The following OR4K1 variants were observed in gnomAD, a reference collection of about 807,000 sequenced individuals.
OR4K1 encodes olfactory receptor family 4 subfamily K member 1, also known as olfactory receptor 4K1.
Under a neutral mutation model 14.4 loss-of-function variants are expected in OR4K1, and 16 were observed. The ratio of observed to expected loss-of-function variants is 1.11; its 90% confidence interval spans 0.75 to 1.68. The LOEUF (loss-of-function observed/expected upper bound fraction) is 1.68. OR4K1 is among the 40% of genes most tolerant of loss of function. OR4K1 has a pLI of 0.00. For synonymous variants in OR4K1, 181 were observed against 133.1 expected, an observed-to-expected ratio of 1.36 and a Z score of -2.48; for missense variants, 548 against 376.9, an observed-to-expected ratio of 1.45 and a Z score of -3.76.
the OR4K1 span, among the ~76,000 whole-genome samples, chr14:19,924,908 T>G: frequency 6.6e-6 from 1 of 152,320 alleles, no homozygotes; most frequent in African/African-American, 2.4e-5. Flanking sequence ...CGGTTAGGAT[T>G]GTGATATTAT....
In OR4K1 at chr14:19,935,584, G is replaced by C. The variant is rs535359918; in HGVS notation, c.-19-64G>C. The stretch of plus-strand genomic sequence containing the variant: ...GTTTAGAATTGACTATATTTCTTTT[G>C]TTTATAAACTAGAGGTATTGTAATG... On this transcript the variant is annotated intron_variant, in intron 1 of 1. Transcript: ENST00000641172. The C allele has an allele frequency of 1.2e-4, 137 of 1,191,170 alleles. No individual in the cohort carries two copies. The Middle Eastern group carries it at 1.4e-3, about 12-fold the overall frequency. The allele number at this position is 1,191,170 out of a possible 1,614,324, so 73.8% of individuals were successfully genotyped here.
At chr14:19,923,115 T>G in the OR4K1 span, among the ~76,000 whole-genome samples, 430 of 152,286 alleles carry the variant, frequency 2.8e-3, no homozygotes, top group African/African-American at 1.0e-2. Flanking sequence ...GCATCTATTT[T>G]TATATATTTG....
Position 19,936,406 on chromosome 14 carries a change from T to A in OR4K1, c.740T>A (p.Val247Asp), listed in dbSNP as rs1329627479. The A allele has an allele frequency of 1.2e-6, 2 of 1,614,094 alleles. No individual in the cohort carries two copies. The change falls in exon 2 of 2, where the codon GTC becomes GAC. Residue 247 changes from valine to aspartate, a missense_variant. Transcript: ENST00000641172. ...LSTLTAHITV[V>D]ILFFGPCIYF... ...ACATTAACTGCCCACATCACAGTGG[T>A]CATTCTTTTCTTCGGGCCTTGCATT...
At chr14:19,930,130 T>TAC (rs1882153920), upstream of OR4K1, among the ~76,000 whole-genome samples, 1 of 97,088 alleles carries the variant, frequency 1.0e-5, no homozygotes, top group Non-Finnish European at 2.3e-5. Flanking sequence ...CTCTCAAATT[T>TAC]ATATATATAT....
chr14:19,922,310 T>C, the OR4K1 span, among the ~76,000 whole-genome samples: 1 of 152,278 alleles, frequency 6.6e-6, no homozygotes, highest in African/African-American at 2.4e-5. Flanking sequence ...CTTCTCTTCT[T>C]GTTCCTACAG....
chr14:19,921,569 C>T, the OR4K1 span: 14 of 1,608,658 alleles, frequency 8.7e-6, no homozygotes, highest in Non-Finnish European at 1.2e-5. Context: ...TGAGAACTTC[C>T]TTTCATTAAG....
chr14:19,921,888 T>C, the OR4K1 span, among the ~76,000 whole-genome samples: 6 of 152,238 alleles, frequency 3.9e-5, no homozygotes, highest in Admixed American at 1.3e-4. Context: ...AATTCTCTGG[T>C]GGGCATACAT....
upstream of OR4K1, among the ~76,000 whole-genome samples, chr14:19,929,415 GGAGA>G (rs1322989741): frequency 6.9e-6 from 1 of 144,450 alleles, no homozygotes; most frequent in African/African-American, 2.5e-5. Flanking sequence ...GCGTATGGGG[GGAGA>G]GAGAGAGAGA....
At position 19,935,632 on chromosome 14, in the gene OR4K1, G is replaced by C; in HGVS notation, c.-19-16G>C. 6.6e-7 allele frequency: 1 copy of C among 1,515,924 alleles called. No individual in the cohort carries two copies. The highest frequency in any genetic ancestry group is 8.9e-7 in the Non-Finnish European group (1 of 1,124,094). The allele number at this position is 1,515,924 out of a possible 1,614,324, so 93.9% of individuals were successfully genotyped here. ...ATGCCAATCATTGTGACATTTTTCT[G>C]ATTTCTTTTTTTTAGGTAACTGAAT... On this transcript the variant is annotated splice_polypyrimidine_tract_variant and intron_variant, in intron 1 of 1. Transcript: ENST00000641172.
At position 19,936,011 on chromosome 14, in the gene OR4K1, T is replaced by C. The variant is rs778821472; in HGVS notation, c.345T>C (p.Leu115=). 1 of 1,614,270 alleles carries C rather than the reference T, an allele frequency of 6.2e-7. No individual in the cohort carries two copies. The highest frequency in any genetic ancestry group is 8.5e-7 in the Non-Finnish European group (1 of 1,180,050). Residue 115 remains leucine, a synonymous_variant, in exon 2 of 2, where the codon CTT becomes CTC. Transcript: ENST00000641172. ...HSFVGSEMML[L]VAMAYDRFIA... ...TTGTTGGGAGTGAGATGATGTTGCT[T>C]GTAGCTATGGCATATGACAGATTTA...
chr14:19,920,667 C>T, the OR4K1 span: 1 of 1,613,760 alleles, frequency 6.2e-7, no homozygotes, highest in Non-Finnish European at 8.5e-7. Context: ...CTGTAGTTCT[C>T]AAAAACTCCA....
the OR4K1 span, chr14:19,921,245 CTT>C: frequency 6.2e-7 from 1 of 1,614,190 alleles, no homozygotes; most frequent in Non-Finnish European, 8.5e-7. Flanking sequence ...CTTTCTCTCT[CTT>C]GGTCAGCTCC....
chr14:19,934,628 A>G (rs1280550544), intron 1 of OR4K1, among the ~76,000 whole-genome samples: 1 of 152,140 alleles, frequency 6.6e-6, no homozygotes, highest in Non-Finnish European at 1.5e-5. Flanking sequence ...CTTCTCTATT[A>G]TAGCAAATTG....
the OR4K1 span, among the ~76,000 whole-genome samples, chr14:19,922,652 A>G: frequency 2.2e-5 from 2 of 90,546 alleles, no homozygotes; most frequent in African/African-American, 3.8e-5. Context: ...TTTTACATGT[A>G]CTCTTTTTTT....
intron 1 of OR4K1, among the ~76,000 whole-genome samples, chr14:19,934,084 T>A (rs183966995): frequency 6.6e-6 from 1 of 152,384 alleles, no homozygotes; most frequent in Non-Finnish European, 1.5e-5. Context: ...ATTATTTTGG[T>A]CATGTCTAAA....
chr14:19,921,205 T>C, the OR4K1 span: 4 of 1,614,158 alleles, frequency 2.5e-6, no homozygotes, highest in Non-Finnish European at 3.4e-6. Context: ...ATACTAATTG[T>C]GGTCAATAGT....
In OR4K1 at chr14:19,936,336, G is replaced by C. The variant is rs199618384; in HGVS notation, c.670G>C (p.Gly224Arg). 6.2e-7 allele frequency: 1 copy of C among 1,614,166 alleles called. No homozygotes were observed. Among genetic ancestry groups the C allele is most frequent in the Admixed American group, 1.7e-5 (1 of 60,024 alleles). ...TATTTCCTACACCATCATTTTGATC[G>C]GTGTCCGATGCAGGTCCTCCAGTGG... ...LIISYTIILIGVRCRSSSGSS... is the reference protein window; with the variant it reads ...LIISYTIILIRVRCRSSSGSS... The change falls in exon 2 of 2, where the codon GGT becomes CGT. Residue 224 changes from glycine (G) to arginine (R), a missense_variant. Transcript: ENST00000641172.
At chr14:19,921,531 A>G in the OR4K1 span, 1 of 1,613,624 alleles carries the variant, frequency 6.2e-7, no homozygotes, top group Non-Finnish European at 8.5e-7. Context: ...CCTGAGGCCA[A>G]GGAGAATTTC....
Position 19,936,486 on chromosome 14 carries a change from T to A in OR4K1, c.820T>A (p.Phe274Ile), listed in dbSNP as rs1486695064. 1.2e-5 allele frequency: 20 copies of A among 1,613,962 alleles called. No individual in the cohort carries two copies. Among genetic ancestry groups the A allele is most frequent in the Non-Finnish European group, 1.4e-5 (17 of 1,180,006 alleles). ...TCCTGTGGACAAATTTCTTTCTGTGTTCTACACTGTTTGTACTCCCTTGTT... is the reference window on the plus strand; with the variant it reads ...TCCTGTGGACAAATTTCTTTCTGTGATCTACACTGTTTGTACTCCCTTGTT... ...RLPVDKFLSV[F>I]YTVCTPLLNP... The change falls in exon 2 of 2, where the codon TTC becomes ATC. Residue 274 changes from phenylalanine (F) to isoleucine (I), a missense_variant. Transcript: ENST00000641172.
Sources: gnomAD v4.1 joint callset for allele counts (sites outside exome capture counted in the v4.1 genomes callset) on GRCh38, gnomAD v4.1.1 for gene constraint, MANE v1.5 for transcripts, NCBI Gene and HGNC (gene_info 2026-07-23, HGNC 2026-07-21) for gene names.